Variants in CADM2 observed in about 807,000 individuals in gnomAD.
CADM2 encodes cell adhesion molecule 2, also known as immunoglobulin superfamily member 4D.
CADM2 carries 12 observed loss-of-function variants against 49.8 expected under a neutral mutation model. The observed-to-expected ratio is 0.24, with a 90% confidence interval of 0.15 to 0.39. The LOEUF is 0.39. Among genes scored for constraint, CADM2 ranks in the 10% least tolerant of loss-of-function variants. The pLI, the probability that CADM2 is intolerant of heterozygous loss-of-function variation, is 1.00. For missense variants in CADM2, 378 were observed against 492.3 expected (o/e 0.77, Z 2.20); for synonymous variants, 214 against 175.4 (o/e 1.22, Z -1.74).
chr3:85,742,303 T>C (rs888223489), intron 2 of CADM2, among the ~76,000 whole-genome samples: 2 of 152,200 alleles, frequency 1.3e-5, no homozygotes, highest in African/African-American at 4.8e-5. Context: ...AAGCATGTTA[T>C]AGATGTTATA....
chr3:85,496,264 G>A (rs919580047), intron 1 of CADM2, among the ~76,000 whole-genome samples: 24 of 152,078 alleles, frequency 1.6e-4, no homozygotes, highest in African/African-American at 5.3e-4. Flanking sequence ...GTGACCCTAA[G>A]ATTTAGTCCC....
intron 8 of CADM2, among the ~76,000 whole-genome samples, chr3:85,979,452 A>C (rs1727208003): frequency 6.6e-6 from 1 of 151,530 alleles, no homozygotes; most frequent in Non-Finnish European, 1.5e-5. Flanking sequence ...ATGAGAAATG[A>C]TGGTACATTT....
intron 1 of CADM2, among the ~76,000 whole-genome samples, chr3:85,223,056 C>T (rs1489157628): frequency 1.3e-5 from 2 of 152,108 alleles, no homozygotes; most frequent in Non-Finnish European, 2.9e-5. Context: ...AGTGTCTCCG[C>T]CTCAGCCATT....
chr3:85,730,165 G>A (rs2067868364), intron 2 of CADM2, among the ~76,000 whole-genome samples: 1 of 152,036 alleles, frequency 6.6e-6, no homozygotes, highest in South Asian at 2.1e-4. Flanking sequence ...TTCCTGGCCG[G>A]GTGCAGTGGC....
Position 85,326,877 on chromosome 3 carries a change from A to G in CADM2, c.61+367209A>G, listed in dbSNP as rs192312985. Among the ~76,000 whole-genome samples the G allele has an allele frequency of 4.5e-3, 691 of 152,288 alleles. 6 individuals carry two copies. The highest frequency in any genetic ancestry group is 0.016 in the African/African-American group (667 of 41,574). ...TTTTATAGCTTTTAGTAGTTTAAATACAGTTGCAACAGAAAGTAAAAGTAT... is the reference window on the plus strand; with the variant it reads ...TTTTATAGCTTTTAGTAGTTTAAATGCAGTTGCAACAGAAAGTAAAAGTAT... On this transcript the variant is annotated intron_variant, in intron 1 of 9. Coordinates refer to ENST00000383699, the MANE Select transcript of CADM2 (RefSeq NM_001167675.2).
At position 85,720,467 on chromosome 3, in the gene CADM2, C is replaced by A. The variant is rs143087926; in HGVS notation, c.62-6055C>A. Among the ~76,000 whole-genome samples, 63 of 152,188 alleles carry A rather than the reference C, an allele frequency of 4.1e-4. 1 individual carries two copies. The East Asian group carries it at 8.9e-3, about 21-fold the overall frequency. Reference sequence around the variant, plus strand: ...TCTTTGTTTAGTAGCTGGAGTATTTCTATTAAGAGTTATTTCCATCCATCC... The same window carrying A: ...TCTTTGTTTAGTAGCTGGAGTATTTATATTAAGAGTTATTTCCATCCATCC... On this transcript the variant is annotated intron_variant, in intron 1 of 9. Coordinates refer to ENST00000383699, the MANE Select transcript of CADM2 (RefSeq NM_001167675.2).
intron 1 of CADM2, among the ~76,000 whole-genome samples, chr3:85,302,684 G>A (rs1195952364): frequency 1.3e-5 from 2 of 151,818 alleles, no homozygotes; most frequent in Non-Finnish European, 1.5e-5. Flanking sequence ...ATACATATGC[G>A]GCCATGTTTT....
chr3:84,966,278 A>G (rs1019565143), intron 1 of CADM2, among the ~76,000 whole-genome samples: 5 of 152,086 alleles, frequency 3.3e-5, no homozygotes, highest in African/African-American at 1.2e-4. Context: ...TTCCACAGTC[A>G]CTTATTTATA....
chr3:85,321,083 GATATATACATAT>G (rs2044586296), intron 1 of CADM2, among the ~76,000 whole-genome samples: 1 of 91,854 alleles, frequency 1.1e-5, no homozygotes, highest in African/African-American at 3.9e-5. Context: ...ACTCATAATA[GATATATACATAT>G]ATATATATAT....
intron 5 of CADM2, among the ~76,000 whole-genome samples, chr3:85,894,704 T>C (rs556241214): frequency 6.6e-6 from 1 of 152,306 alleles, no homozygotes; most frequent in East Asian, 1.9e-4. Context: ...TTCTTCTGTG[T>C]GCAGCCTCTG....
chr3:85,094,928 A>G lies in CADM2; in HGVS notation c.61+135260A>G, dbSNP rs116215723. Among the ~76,000 whole-genome samples the G allele has an allele frequency of 6.4e-3, 980 of 152,294 alleles. 12 individuals carry two copies. The highest frequency in any genetic ancestry group is 0.021 in the African/African-American group (888 of 41,598). The stretch of plus-strand genomic sequence containing the variant: ...TTAAAATCAGATATTAGCTTCCAAC[A>G]TAAATTAAGCATTAATATGTGCCAG... On this transcript the variant is annotated intron_variant, in intron 1 of 9. Coordinates refer to ENST00000383699, the MANE Select transcript of CADM2 (RefSeq NM_001167675.2).
intron 1 of CADM2, among the ~76,000 whole-genome samples, chr3:85,712,457 A>G (rs1177722743): frequency 6.6e-6 from 1 of 152,298 alleles, no homozygotes; most frequent in South Asian, 2.1e-4. Context: ...TTCTCAAGTG[A>G]TCTTTTAAAC....
chr3:85,283,768 G>C (rs1225104344), intron 1 of CADM2, among the ~76,000 whole-genome samples: 4 of 152,092 alleles, frequency 2.6e-5, no homozygotes, highest in Admixed American at 2.6e-4. Flanking sequence ...TTTAGAATGT[G>C]AAGTCAAGTC....
At position 84,959,271 on chromosome 3, in the gene CADM2, C is replaced by A; in HGVS notation, c.-337C>A. On this transcript the variant is annotated 5_prime_UTR_variant, in exon 1 of 10. Transcript: ENST00000383699. ...CACCCCGGCATCCCTGCACCACCTG[C>A]TCGGGCAGCCCCGGCGGGCTCTGGG... 2.1e-6 allele frequency: 1 copy of A among 469,184 alleles called. No homozygotes were observed. The highest frequency in any genetic ancestry group is 3.9e-6 in the Non-Finnish European group (1 of 258,520). The allele number at this position is 469,184 out of a possible 1,614,324, so 29.1% of individuals were successfully genotyped here.
At chr3:85,116,517 TTA>T (rs2038643799) in intron 1 of CADM2, among the ~76,000 whole-genome samples, 1 of 152,234 alleles carries the variant, frequency 6.6e-6, no homozygotes, top group Admixed American at 6.5e-5. Flanking sequence ...AGTGATATTG[TTA>T]TATGAGTCAA....
intron 3 of CADM2, among the ~76,000 whole-genome samples, chr3:85,824,692 C>T (rs914716280): frequency 2.0e-5 from 3 of 152,040 alleles, no homozygotes; most frequent in African/African-American, 7.2e-5. Context: ...ATGAGAAGTA[C>T]ATCCCATATG....
intron 1 of CADM2, among the ~76,000 whole-genome samples, chr3:85,279,825 C>T (rs1034599347): frequency 1.3e-4 from 19 of 151,562 alleles, no homozygotes; most frequent in African/African-American, 4.3e-4. Flanking sequence ...GCTGTTTTAA[C>T]TGTCTTCTTT....
chr3:85,771,856 G>A (rs933095024), intron 2 of CADM2, among the ~76,000 whole-genome samples: 1 of 151,994 alleles, frequency 6.6e-6, no homozygotes, highest in Non-Finnish European at 1.5e-5. Context: ...TCCCAAAAGT[G>A]TTTTCTGAAT....
Position 85,698,499 on chromosome 3 carries a change from C to T in CADM2, c.62-28023C>T, listed in dbSNP as rs533317359. On this transcript the variant is annotated intron_variant, in intron 1 of 9. Coordinates refer to ENST00000383699, the MANE Select transcript of CADM2 (RefSeq NM_001167675.2). ...GCAGGCTGTATAGGAAGCATAGTGG[C>T]TTCTGCTTCTGGGGAAGCCTCAGGA... 1.2e-4 allele frequency among the ~76,000 whole-genome samples: 18 copies of T among 152,206 alleles called. No individual in the cohort carries two copies. In the South Asian group the frequency reaches 2.3e-3, roughly 19 times the overall value.
Sources: gnomAD v4.1 joint callset for allele counts (sites outside exome capture counted in the v4.1 genomes callset) on GRCh38, gnomAD v4.1.1 for gene constraint, MANE v1.5 for transcripts, NCBI Gene and HGNC (gene_info 2026-07-23, HGNC 2026-07-21) for gene names.